The following TICAM2 variants were observed in gnomAD, a reference collection of about 807,000 sequenced individuals.
TICAM2 encodes TIR domain containing adaptor molecule 2.
A neutral mutation model predicts 7.3 loss-of-function variants in TICAM2; 8 were observed. That is an observed-to-expected ratio of 1.10 (90% CI 0.65 to 1.99). The LOEUF (loss-of-function observed/expected upper bound fraction) is 1.99, where lower values mean the gene tolerates loss of function less well. Ranked by LOEUF, TICAM2 falls within the 30% of genes most tolerant of loss-of-function variation. The probability of loss-of-function intolerance (pLI) is 0.00; values close to 1 mark genes in which losing one functional copy is unlikely to be tolerated. For synonymous variants in TICAM2, 113 were observed against 99.6 expected, an observed-to-expected ratio of 1.13 and a Z score of -0.80; for missense variants, 304 against 278.8, an observed-to-expected ratio of 1.09 and a Z score of -0.65.
rs570165062 is a variant in TICAM2, at chr5:115,578,895, G to A, written c.*1654C>T. On this transcript the variant is annotated 3_prime_UTR_variant, in exon 2 of 2. Coordinates refer to ENST00000427199, the MANE Select transcript of TICAM2 (RefSeq NM_021649.7). ...TGAAAACCATCTCCTCCTCTAATAAGTACTAACAGAATAGGAGGCTTGACT... is the reference window on the plus strand; with the variant it reads ...TGAAAACCATCTCCTCCTCTAATAAATACTAACAGAATAGGAGGCTTGACT... 1.8e-4 allele frequency: 27 copies of A among 152,620 alleles called. No individual in the cohort carries two copies. The highest frequency in any genetic ancestry group is 5.1e-4 in the African/African-American group (21 of 41,542). 9.5% of individuals were successfully genotyped at this position (152,620 alleles called of 1,614,324 possible). A position where few individuals can be genotyped will look rare whatever the true frequency, so the allele number is the denominator to read the frequency against.
intron 1 of TICAM2, among the ~76,000 whole-genome samples, chr5:115,590,606 C>G (rs974293260): frequency 1.1e-4 from 16 of 152,204 alleles, no homozygotes; most frequent in Admixed American, 1.0e-3. Flanking sequence ...CATATCCTAT[C>G]TATTAGCTAC....
intron 1 of TICAM2, among the ~76,000 whole-genome samples, chr5:115,593,132 G>A (rs1755373317): frequency 6.6e-6 from 1 of 152,170 alleles, no homozygotes; most frequent in African/African-American, 2.4e-5. Context: ...GAGAGAATGA[G>A]ATTCTATCTC....
At chr5:115,584,207 G>C (rs1054223198) in intron 1 of TICAM2, among the ~76,000 whole-genome samples, 7 of 151,662 alleles carry the variant, frequency 4.6e-5, no homozygotes, top group Admixed American at 3.9e-4. Context: ...AGGATATTTT[G>C]AAAGAATATT....
intron 1 of TICAM2, among the ~76,000 whole-genome samples, chr5:115,601,732 G>A (rs1024922453): frequency 1.3e-5 from 2 of 152,190 alleles, no homozygotes; most frequent in African/African-American, 4.8e-5. Context: ...GAAAACCCAT[G>A]CCAAAACCTC....
chr5:115,587,073 C>A (rs1403511731), intron 1 of TICAM2, among the ~76,000 whole-genome samples: 1 of 152,014 alleles, frequency 6.6e-6, no homozygotes, highest in Non-Finnish European at 1.5e-5. Flanking sequence ...TTGCACCGGA[C>A]ATTTATGGCT....
intron 1 of TICAM2, among the ~76,000 whole-genome samples, chr5:115,599,012 T>A (rs947151245): frequency 6.6e-6 from 1 of 151,160 alleles, no homozygotes; most frequent in African/African-American, 2.4e-5. Flanking sequence ...GAAAATTGCT[T>A]GAGCCTGTGA....
At position 115,600,297 on chromosome 5, in the gene TICAM2, G is replaced by A. The variant is rs189354416; in HGVS notation, c.-60+1800C>T. Among the ~76,000 whole-genome samples the A allele has an allele frequency of 6.1e-4, 93 of 152,332 alleles. 1 individual carries two copies. Among genetic ancestry groups the A allele is most frequent in the African/African-American group, 2.1e-3 (88 of 41,570 alleles). The stretch of plus-strand genomic sequence containing the variant: ...GCCTATCAGACTTCCAAGTGGAGAT[G>A]CTGAGTAAACAGCTGGACATACACA... On this transcript the variant is annotated intron_variant, in intron 1 of 1. Transcript: ENST00000427199.
At chr5:115,594,694 T>C (rs1006973245) in intron 1 of TICAM2, among the ~76,000 whole-genome samples, 2 of 152,118 alleles carry the variant, frequency 1.3e-5, no homozygotes, top group East Asian at 1.9e-4. Flanking sequence ...AAATATATGA[T>C]AGATGTTTTG....
intron 1 of TICAM2, among the ~76,000 whole-genome samples, chr5:115,593,428 A>T (rs1474266617): frequency 6.6e-6 from 1 of 152,188 alleles, no homozygotes; most frequent in African/African-American, 2.4e-5. Flanking sequence ...ATTTTCCAAT[A>T]GATCAAAAAA....
intron 1 of TICAM2, among the ~76,000 whole-genome samples, chr5:115,587,327 C>A (rs886284676): frequency 5.9e-5 from 9 of 152,048 alleles, no homozygotes; most frequent in Admixed American, 5.9e-4. Context: ...GATATGGTGA[C>A]CTATGGGACT....
rs1303246000 is a variant in TICAM2 at position 115,578,539 on chromosome 5, T to G, written c.*2010A>C. The G allele has an allele frequency of 6.6e-6, 1 of 152,122 alleles. No homozygotes were observed. Among genetic ancestry groups the G allele is most frequent in the Non-Finnish European group, 1.5e-5 (1 of 68,024 alleles). The allele number at this position is 152,122 out of a possible 1,614,324, so 9.4% of individuals were successfully genotyped here. A position where few individuals can be genotyped will look rare whatever the true frequency, so the allele number is the denominator to read the frequency against. On this transcript the variant is annotated 3_prime_UTR_variant, in exon 2 of 2. Transcript: ENST00000427199. Reference sequence around the variant, plus strand: ...ATAAAAAAAATATGGAACTCCAAATTGGGTGAGACATTGTGTCTGGTGCTC... The same window carrying G: ...ATAAAAAAAATATGGAACTCCAAATGGGGTGAGACATTGTGTCTGGTGCTC...
At chr5:115,593,972 T>C (rs1414977928) in intron 1 of TICAM2, among the ~76,000 whole-genome samples, 1 of 147,124 alleles carries the variant, frequency 6.8e-6, no homozygotes, top group Non-Finnish European at 1.5e-5. Context: ...TGGTTGATTG[T>C]TTTTTTATTT....
At chr5:115,595,580 A>C (rs1192619251) in intron 1 of TICAM2, among the ~76,000 whole-genome samples, 3 of 152,138 alleles carry the variant, frequency 2.0e-5, no homozygotes, top group African/African-American at 7.2e-5. Context: ...GCAATGGAAA[A>C]CTGATCCTGT....
intron 1 of TICAM2, among the ~76,000 whole-genome samples, chr5:115,591,840 A>G (rs527917406): frequency 1.2e-4 from 19 of 152,306 alleles, no homozygotes; most frequent in African/African-American, 4.3e-4. Context: ...CCCAAATGAA[A>G]AGAGAGAGAA....
intron 1 of TICAM2, among the ~76,000 whole-genome samples, chr5:115,593,892 G>T (rs1234987648): frequency 6.6e-6 from 1 of 152,226 alleles, no homozygotes; most frequent in African/African-American, 2.4e-5. Context: ...TACAACAAAA[G>T]AGGTACTGCA....
At chr5:115,586,665 C>A (rs1368663369) in intron 1 of TICAM2, among the ~76,000 whole-genome samples, 1 of 152,168 alleles carries the variant, frequency 6.6e-6, no homozygotes, top group East Asian at 1.9e-4. Context: ...TCACCTAGTA[C>A]TGAATCCTTC....
rs1248645471 is a variant in TICAM2, at chr5:115,586,688, C to A, written c.-59-5373G>T. Among the ~76,000 whole-genome samples, 4 of 152,112 alleles carry A rather than the reference C, an allele frequency of 2.6e-5. No homozygotes were observed. In the East Asian group the frequency reaches 7.7e-4, roughly 29 times the overall value. The stretch of plus-strand genomic sequence containing the variant: ...TACTGAATCCTTCAGCCTTGGAGAG[C>A]CTTTTTCGTTCATATCTGAACAGCA... On this transcript the variant is annotated intron_variant, in intron 1 of 1. Coordinates refer to ENST00000427199, the MANE Select transcript of TICAM2 (RefSeq NM_021649.7).
intron 1 of TICAM2, among the ~76,000 whole-genome samples, chr5:115,592,152 T>C (rs143815190): frequency 4.5e-4 from 68 of 152,160 alleles, no homozygotes; most frequent in Non-Finnish European, 7.9e-4. Context: ...ATATACAAAG[T>C]AAAAGAAAGC....
intron 1 of TICAM2, among the ~76,000 whole-genome samples, chr5:115,594,927 G>C (rs554566095): frequency 6.6e-6 from 1 of 152,124 alleles, no homozygotes; most frequent in African/African-American, 2.4e-5. Flanking sequence ...CCCCATCTGA[G>C]ATGATGGATA....
Sources: allele counts gnomAD v4.1 joint callset (sites outside exome capture counted in the v4.1 genomes callset), GRCh38; gene constraint gnomAD v4.1.1; transcripts MANE v1.5; gene names NCBI Gene and HGNC (gene_info 2026-07-23, HGNC 2026-07-21).